The following SLC35F4 variants were observed in gnomAD, a reference collection of about 807,000 sequenced individuals.
SLC35F4 encodes the protein solute carrier family 35 member F4.
SLC35F4 carries 24 observed loss-of-function variants against 44.2 expected under a neutral mutation model. The observed-to-expected ratio is 0.54, with a 90% CI of 0.39 to 0.76. SLC35F4 has a LOEUF of 0.76. Ranked by LOEUF, SLC35F4 falls within the 30% of genes least tolerant of loss-of-function variation. The pLI, the probability that SLC35F4 is intolerant of heterozygous loss-of-function variation, is 0.00. For synonymous variants in SLC35F4, 238 were observed against 223.6 expected (o/e 1.06, Z -0.57); for missense variants, 562 against 586.1 (o/e 0.96, Z 0.42).
chr14:57,922,969 G>C (rs1259744333), intron 1 of SLC35F4, among the ~76,000 whole-genome samples: 1 of 152,224 alleles, frequency 6.6e-6, no homozygotes, highest in African/African-American at 2.4e-5. Flanking sequence ...ATTTGCGTTT[G>C]AGTGCCTACT....
chr14:57,755,979 CA>C (rs1230301854), intron 1 of SLC35F4, among the ~76,000 whole-genome samples: 1 of 152,216 alleles, frequency 6.6e-6, no homozygotes, highest in Admixed American at 6.5e-5. Flanking sequence ...TACAACGTGA[CA>C]AATGTAGTGA....
chr14:57,736,121 A>C (rs1231279933), intron 1 of SLC35F4, among the ~76,000 whole-genome samples: 1 of 152,186 alleles, frequency 6.6e-6, no homozygotes, highest in Non-Finnish European at 1.5e-5. Flanking sequence ...GGTTTTAAAT[A>C]ATGGTGTGGA....
At chr14:57,824,575 A>G (rs1473243675) in intron 1 of SLC35F4, among the ~76,000 whole-genome samples, 1 of 152,168 alleles carries the variant, frequency 6.6e-6, no homozygotes, top group Non-Finnish European at 1.5e-5. Flanking sequence ...GAGAGGGTAC[A>G]ATTTTAGTTT....
intron 1 of SLC35F4, among the ~76,000 whole-genome samples, chr14:57,915,530 A>C (rs180870788): frequency 2.1e-3 from 315 of 152,330 alleles, no homozygotes; most frequent in Non-Finnish European, 3.6e-3. Context: ...ATGTGGTTAA[A>C]AGTAGCCATG....
At chr14:57,944,683 AAAG>A (rs1322222366) in intron 1 of SLC35F4, among the ~76,000 whole-genome samples, 2 of 132,082 alleles carry the variant, frequency 1.5e-5, no homozygotes, top group African/African-American at 6.5e-5. Flanking sequence ...AAGAAAAAGA[AAAG>A]AAAGAAAGAA....
At chr14:57,684,021 T>G (rs892845545) in intron 1 of SLC35F4, among the ~76,000 whole-genome samples, 2 of 152,158 alleles carry the variant, frequency 1.3e-5, no homozygotes, top group Non-Finnish European at 2.9e-5. Context: ...GGGGTTCATT[T>G]GCCTTCTAGG....
chr14:57,662,879 T>C, intron 1 of SLC35F4, among the ~76,000 whole-genome samples: 1 of 152,158 alleles, frequency 6.6e-6, no homozygotes, highest in East Asian at 1.9e-4. Flanking sequence ...GATTGGCCAT[T>C]GTAGGGCACT....
At chr14:57,916,786 C>T (rs796852069) in intron 1 of SLC35F4, among the ~76,000 whole-genome samples, 7 of 152,150 alleles carry the variant, frequency 4.6e-5, no homozygotes, top group South Asian at 2.1e-4. Flanking sequence ...GCCCATGTAA[C>T]AAACCTGCAC....
intron 1 of SLC35F4, among the ~76,000 whole-genome samples, chr14:57,843,839 C>T (rs1211242768): frequency 6.6e-6 from 1 of 152,028 alleles, no homozygotes; most frequent in Non-Finnish European, 1.5e-5. Flanking sequence ...ACATTATAAC[C>T]CCCTGGTATC....
At chr14:57,980,575 C>T (rs1193310839) in intron 1 of SLC35F4, among the ~76,000 whole-genome samples, 3 of 152,126 alleles carry the variant, frequency 2.0e-5, no homozygotes, top group African/African-American at 7.2e-5. Flanking sequence ...GAATTTCAAG[C>T]ATAGCATGTG....
chr14:57,836,482 G>A (rs1006088768), intron 1 of SLC35F4, among the ~76,000 whole-genome samples: 2 of 152,020 alleles, frequency 1.3e-5, no homozygotes, highest in Non-Finnish European at 2.9e-5. Context: ...TAGTAGAAAC[G>A]GGGTTTCACC....
At chr14:57,976,282 C>T (rs1029629535), downstream of SLC35F4, among the ~76,000 whole-genome samples, 2 of 152,200 alleles carry the variant, frequency 1.3e-5, no homozygotes, top group Non-Finnish European at 1.5e-5. Flanking sequence ...GTCTGCGCTA[C>T]TTGAAAAGCA....
At position 57,887,206 on chromosome 14, in the gene SLC35F4, G is replaced by A. The variant is rs76566192; in HGVS notation, n.282+94707C>T. Reference sequence around the variant, plus strand: ...TCTGTAGTCTTGAGCAAAAATCCGGGTAGTGCTAAGAGAGATGGTTAAGGG... The same window carrying A: ...TCTGTAGTCTTGAGCAAAAATCCGGATAGTGCTAAGAGAGATGGTTAAGGG... On this transcript the variant is annotated intron_variant and non_coding_transcript_variant, in intron 1 of 1. Coordinates refer to the SLC35F4 transcript ENST00000556568. Among the ~76,000 whole-genome samples the A allele has an allele frequency of 6.2e-3, 938 of 152,292 alleles. 7 individuals are homozygous for A. Among genetic ancestry groups the A allele is most frequent in the African/African-American group, 0.021 (865 of 41,556 alleles).
At chr14:57,823,201 G>A in intron 1 of SLC35F4, among the ~76,000 whole-genome samples, 1 of 152,030 alleles carries the variant, frequency 6.6e-6, no homozygotes, top group East Asian at 1.9e-4. Flanking sequence ...CTCTTGGATT[G>A]TGCTCCTTAC....
chr14:57,700,569 A>T (rs1330403829), intron 1 of SLC35F4, among the ~76,000 whole-genome samples: 1 of 152,128 alleles, frequency 6.6e-6, no homozygotes, highest in East Asian at 1.9e-4. Flanking sequence ...TGACTCTTTT[A>T]TAATGCTTAG....
At chr14:57,945,036 C>T (rs990692383) in intron 1 of SLC35F4, among the ~76,000 whole-genome samples, 3 of 151,906 alleles carry the variant, frequency 2.0e-5, no homozygotes, top group Non-Finnish European at 2.9e-5. Context: ...ATGTAATCGT[C>T]CTCATTTTTC....
intron 1 of SLC35F4, among the ~76,000 whole-genome samples, chr14:57,739,693 G>C (rs1157818457): frequency 1.3e-5 from 2 of 152,180 alleles, no homozygotes; most frequent in African/African-American, 4.8e-5. Flanking sequence ...TTCAGTCCAG[G>C]CCTGGGCTTG....
At chr14:57,614,926 G>A (rs752941469) in intron 1 of SLC35F4, among the ~76,000 whole-genome samples, 12 of 152,314 alleles carry the variant, frequency 7.9e-5, no homozygotes, top group East Asian at 3.9e-4. Flanking sequence ...AAGTGTTCTC[G>A]TCCATAAAAT....
chr14:57,608,886 G>C (rs1439906780), intron 1 of SLC35F4, among the ~76,000 whole-genome samples: 1 of 151,778 alleles, frequency 6.6e-6, no homozygotes, highest in African/African-American at 2.4e-5. Context: ...ATGTGACTTA[G>C]TGACAAGACA....
Sources: gnomAD v4.1 joint callset for allele counts (sites outside exome capture counted in the v4.1 genomes callset) on GRCh38, gnomAD v4.1.1 for gene constraint, MANE v1.5 for transcripts, NCBI Gene and HGNC (gene_info 2026-07-23, HGNC 2026-07-21) for gene names.